KDM1A: variants seen among roughly 807,000 people sequenced by gnomAD.
KDM1A encodes lysine demethylase 1A.
KDM1A carries 49 observed loss-of-function variants against 109.4 expected under a neutral mutation model. That is an observed-to-expected ratio of 0.45 (90% confidence interval 0.36 to 0.57). The LOEUF (loss-of-function observed/expected upper bound fraction) is 0.57. KDM1A is among the 20% of genes least tolerant of loss of function. The pLI is 0.00. For missense variants in KDM1A, 668 were observed against 1,116.6 expected (o/e 0.60, Z 5.73); for synonymous variants, 380 against 415.4 (o/e 0.91, Z 1.04).
Position 23,042,772 on chromosome 1 carries a change from G to C in KDM1A, c.518-1655G>C, listed in dbSNP as rs572672736. 6.0e-5 allele frequency among the ~76,000 whole-genome samples: 9 copies of C among 149,904 alleles called. No individual in the cohort carries two copies. The South Asian group carries it at 1.9e-3, about 32-fold the overall frequency. On this transcript the variant is annotated intron_variant, in intron 2 of 20. Transcript: ENST00000400181. Reference sequence around the variant, plus strand: ...CGGCCTATTATTATTATTTTGAGATGGAGTCTTGCTCTGTCGCCCAGGCTG... The same window carrying C: ...CGGCCTATTATTATTATTTTGAGATCGAGTCTTGCTCTGTCGCCCAGGCTG...
In KDM1A at chr1:23,019,740, C is replaced by G. The variant is rs1038216351; in HGVS notation, c.144C>G (p.Ala48=). Residue 48 remains alanine, a synonymous_variant, in exon 1 of 21, where the codon GCC becomes GCG. Coordinates refer to ENST00000400181, the MANE Select transcript of KDM1A (RefSeq NM_001009999.3). The part of the protein sequence containing the change: ...AAQPAGLSGP[A]EVGPGAVGER... ...AGCCCGCGGGCCTGTCGGGCCCAGC[C>G]GAGGTCGGGCCGGGGGCGGTGGGGG... 2.2e-6 allele frequency: 3 copies of G among 1,334,554 alleles called. No homozygotes were observed. Among genetic ancestry groups the G allele is most frequent in the Non-Finnish European group, 2.9e-6 (3 of 1,041,182 alleles). 82.7% of individuals were successfully genotyped at this position (1,334,554 alleles called of 1,614,324 possible).
intron 1 of KDM1A, among the ~76,000 whole-genome samples, chr1:23,030,085 T>C (rs1641936541): frequency 6.6e-6 from 1 of 152,254 alleles, no homozygotes; most frequent in Non-Finnish European, 1.5e-5. Context: ...CAGACTTGGC[T>C]TTAGACAGAC....
At chr1:23,059,359 G>GTA (rs1642933887) in intron 9 of KDM1A, 192 bp downstream of exon 9, 3 of 673,010 alleles carry the variant, frequency 4.5e-6, no homozygotes. Flanking sequence ...AAGGATTATT[G>GTA]TATATATACA....
At chr1:23,040,768 A>G (rs1642291635) in intron 2 of KDM1A, among the ~76,000 whole-genome samples, 1 of 152,200 alleles carries the variant, frequency 6.6e-6, no homozygotes, top group Non-Finnish European at 1.5e-5. Flanking sequence ...ACCCTGGGCG[A>G]CAGAGCAAGA....
In KDM1A at chr1:23,044,454, G is replaced by T; in HGVS notation, c.545G>T (p.Ser182Ile). The T allele has an allele frequency of 1.9e-6, 3 of 1,613,106 alleles. No individual in the cohort carries two copies. In the South Asian group the frequency reaches 3.3e-5, roughly 18 times the overall value. The change falls in exon 3 of 21, where the codon AGT becomes ATT. Residue 182 changes from serine to isoleucine, a missense_variant. Physicochemically the swap from Ser to Ile is moderately radical, Grantham distance 142 (BLOSUM62 -2). Transcript: ENST00000400181. Reference protein sequence around the residue: ...SGQAGGLQDDSSGGYGDGQAS... With the variant: ...SGQAGGLQDDISGGYGDGQAS... ...CAAGCAGGAGGACTTCAAGACGACA[G>T]TTCTGGAGGGTATGGAGACGGCCAA...
intron 9 of KDM1A, among the ~76,000 whole-genome samples, chr1:23,060,116 G>A (rs1642958496): frequency 6.6e-6 from 1 of 152,120 alleles, no homozygotes; most frequent in Non-Finnish European, 1.5e-5. Context: ...TGGGTGGGGT[G>A]GATAACAGGA....
chr1:23,038,254 TTGTGTGTGTGTGTG>T (rs56016343), intron 2 of KDM1A, among the ~76,000 whole-genome samples: 26 of 149,318 alleles, frequency 1.7e-4, no homozygotes, highest in East Asian at 5.9e-4. Context: ...CTGGAACTGT[TTGTGTGTGTGTGTG>T]TGTGTGTGTG....
chr1:23,079,706 C>A lies in KDM1A; in HGVS notation c.2170+39C>A. The A allele has an allele frequency of 7.6e-7, 1 of 1,309,686 alleles. No homozygotes were observed. The highest frequency in any genetic ancestry group is 1.1e-6 in the Non-Finnish European group (1 of 933,122). The allele number at this position is 1,309,686 out of a possible 1,614,324, so 81.1% of individuals were successfully genotyped here. On this transcript the variant is annotated intron_variant, in intron 18 of 20. Coordinates refer to ENST00000400181, the MANE Select transcript of KDM1A (RefSeq NM_001009999.3). This position sits in a 1 kb window ranked among gnomAD's most constrained non-coding sequence, Gnocchi z 5.6. ...AATTTTAATCTTTTCCATATCCTTA[C>A]AGGAATATAGAATTTGAAATATTTT...
intron 2 of KDM1A, among the ~76,000 whole-genome samples, chr1:23,034,778 G>T (rs927307533): frequency 2.0e-5 from 3 of 152,166 alleles, no homozygotes; most frequent in Non-Finnish European, 4.4e-5. Context: ...GTTGTACATA[G>T]CCTGAGACTT....
intron 7 of KDM1A, among the ~76,000 whole-genome samples, chr1:23,056,908 G>C (rs1335183678): frequency 1.3e-5 from 2 of 151,810 alleles, no homozygotes; most frequent in African/African-American, 4.8e-5. Flanking sequence ...CTCGTCAGCA[G>C]TGATAAACCT....
chr1:23,053,331 A>G (rs1368850146), intron 4 of KDM1A, among the ~76,000 whole-genome samples: 1 of 152,176 alleles, frequency 6.6e-6, no homozygotes, highest in Non-Finnish European at 1.5e-5. Flanking sequence ...TCACTGTTTT[A>G]ATTAAAGGAA....
intron 16 of KDM1A, among the ~76,000 whole-genome samples, chr1:23,078,309 G>A (rs1019157096): frequency 5.9e-5 from 9 of 152,086 alleles, no homozygotes; most frequent in African/African-American, 1.9e-4. Flanking sequence ...CCATTTTCTC[G>A]AGTTCTGCAG....
At chr1:23,059,576 C>G (rs1642940256) in intron 9 of KDM1A, among the ~76,000 whole-genome samples, 1 of 152,158 alleles carries the variant, frequency 6.6e-6, no homozygotes. Flanking sequence ...CATAGGCTAA[C>G]ATTTTTGATG....
At chr1:23,026,870 G>C (rs1641821674) in intron 1 of KDM1A, among the ~76,000 whole-genome samples, 1 of 152,168 alleles carries the variant, frequency 6.6e-6, no homozygotes, top group Non-Finnish European at 1.5e-5. Flanking sequence ...GTCCTTGGTT[G>C]TAAGTAGTTG....
chr1:23,037,315 A>G (rs1569667516), intron 2 of KDM1A, among the ~76,000 whole-genome samples: 2 of 151,962 alleles, frequency 1.3e-5, no homozygotes, highest in African/African-American at 2.4e-5. Context: ...AAAAAAAAAA[A>G]AAAAAAAGTG....
chr1:23,024,205 G>A (rs1322207245), intron 1 of KDM1A, among the ~76,000 whole-genome samples: 7 of 151,934 alleles, frequency 4.6e-5, no homozygotes, highest in Non-Finnish European at 1.0e-4. Context: ...TACTTACCCT[G>A]TTTTTTAATC....
At position 23,063,230 on chromosome 1, in the gene KDM1A, G is replaced by GT. The variant is rs1491523038; in HGVS notation, c.1168-2830_1168-2829insT. Among the ~76,000 whole-genome samples, 24 of 15,664 alleles carry GT rather than the reference G, an allele frequency of 1.5e-3. 1 individual carries two copies. Among genetic ancestry groups the GT allele is most frequent in the African/African-American group, 3.2e-3 (24 of 7,510 alleles). 10.3% of individuals were successfully genotyped at this position (15,664 alleles called of 152,430 possible). ...GGTGTGGTGTGGGGTGGGTGTGTGT[G>GT]GGTGTGTGTGTGTGTGTGTGTGTGT... On this transcript the variant is annotated intron_variant, in intron 9 of 20. Transcript: ENST00000400181.
At chr1:23,037,864 A>C (rs1642195384) in intron 2 of KDM1A, among the ~76,000 whole-genome samples, 1 of 152,194 alleles carries the variant, frequency 6.6e-6, no homozygotes, top group South Asian at 2.1e-4. Context: ...ACTTTTTATT[A>C]AGGCAAAATA....
chr1:23,068,452 C>CT, intron 10 of KDM1A, 87 bp from the exon 11 acceptor site: 1 of 1,135,486 alleles, frequency 8.8e-7, no homozygotes, highest in Non-Finnish European at 1.2e-6. Flanking sequence ...ATATTTTGAC[C>CT]TTTATAAACT....
Sources: gnomAD v4.1 joint callset for allele counts (sites outside exome capture counted in the v4.1 genomes callset) on GRCh38, gnomAD v4.1.1 for gene constraint, Gnocchi (gnomAD v3.1) non-coding constraint, MANE v1.5 for transcripts, NCBI Gene and HGNC (gene_info 2026-07-23, HGNC 2026-07-21) for gene names.